Variants in KIF21B observed in about 807,000 individuals in gnomAD.
KIF21B encodes kinesin family member 21B.
A neutral mutation model predicts 192.9 loss-of-function variants in KIF21B; 85 were observed. The ratio of observed to expected loss-of-function variants is 0.44; its 90% confidence interval spans 0.37 to 0.53. The LOEUF is 0.53. Among genes scored for constraint, KIF21B ranks in the 20% least tolerant of loss-of-function variants. KIF21B has a pLI of 0.00. For synonymous variants in KIF21B, 832 were observed against 884.6 expected (o/e 0.94, Z 1.05); for missense variants, 1,716 against 2,194.8 (o/e 0.78, Z 4.36).
chr1:200,981,376 G>A (rs1237774720), intron 28 of KIF21B, among the ~76,000 whole-genome samples: 2 of 152,228 alleles, frequency 1.3e-5, no homozygotes, highest in Non-Finnish European at 2.9e-5. Context: ...GGTGCAGGAG[G>A]TGTGGGCTCT....
chr1:200,992,680 CCCT>C (rs1656784879), intron 15 of KIF21B, among the ~76,000 whole-genome samples: 1 of 152,244 alleles, frequency 6.6e-6, no homozygotes, highest in Non-Finnish European at 1.5e-5. Context: ...ATGCCACAGC[CCCT>C]GGTGGCCCTC....
chr1:201,018,253 G>A (rs1658623704), intron 1 of KIF21B, among the ~76,000 whole-genome samples: 1 of 152,236 alleles, frequency 6.6e-6, no homozygotes, highest in Non-Finnish European at 1.5e-5. Context: ...TCCTGAGAGA[G>A]TGCCAAGGTG....
In KIF21B at chr1:201,004,335, G is replaced by A. The variant is rs1458613999; in HGVS notation, c.1016+5C>T. On this transcript the variant is annotated splice_donor_5th_base_variant and intron_variant, in intron 7 of 34. Transcript: ENST00000461742. ...TCCCTTCCCTGGGTGTTGGTCACCA[G>A]ATACCTGTTGCCCCCCAGCGAATCC... 6.4e-7 allele frequency: 1 copy of A among 1,556,706 alleles called. No individual in the cohort carries two copies. The highest frequency in any genetic ancestry group is 1.4e-5 in the African/African-American group (1 of 73,762).
At chr1:201,007,375 G>GACACACACAGACACACACACAC (rs1244724038) in intron 3 of KIF21B, among the ~76,000 whole-genome samples, 1 of 42,352 alleles carries the variant, frequency 2.4e-5, no homozygotes, top group Non-Finnish European at 4.3e-5. Context: ...CACACACAGA[G>GACACACACAGACACACACACAC]ACAGAGACAC....
chr1:201,005,448 A>G lies in KIF21B; in HGVS notation c.598-6T>C. The stretch of plus-strand genomic sequence containing the variant: ...TGCTTCAGGCACTGGATCAGCTGGA[A>G]ACAGAAGCAGAAGTGAGGGCTTGGG... On this transcript the variant is annotated splice_polypyrimidine_tract_variant and splice_region_variant and intron_variant, in intron 4 of 34. Coordinates refer to ENST00000461742, the MANE Select transcript of KIF21B (RefSeq NM_001252102.2). 6.2e-7 allele frequency: 1 copy of G among 1,604,408 alleles called. No homozygotes were observed. Among genetic ancestry groups the G allele is most frequent in the East Asian group, 2.2e-5 (1 of 44,744 alleles).
intron 3 of KIF21B, among the ~76,000 whole-genome samples, chr1:201,006,895 CACACACACAGAGACAG>C: frequency 1.3e-5 from 2 of 150,722 alleles, no homozygotes; most frequent in Non-Finnish European, 3.0e-5. Flanking sequence ...CACATAGACA[CACACACACAGAGACAG>C]ACACACACAG....
Position 200,998,721 on chromosome 1 carries a change from A to C in KIF21B, c.1886-146T>G. 10 of 645,634 alleles carry C rather than the reference A, an allele frequency of 1.5e-5. No homozygotes were observed. Among genetic ancestry groups the C allele is most frequent in the African/African-American group, 1.8e-5 (1 of 54,192 alleles). The allele number at this position is 645,634 out of a possible 1,614,324, so 40.0% of individuals were successfully genotyped here. ...AGACTGGGCAAAATGATAAATCCTA[A>C]TGCAGGTAGAATGCGGCCAGAAGGA... On this transcript the variant is annotated intron_variant, in intron 13 of 34. Coordinates refer to ENST00000461742, the MANE Select transcript of KIF21B (RefSeq NM_001252102.2). The surrounding 1 kb of genome is among the most constrained non-coding windows in gnomAD (Gnocchi z 4.3).
chr1:200,975,611 G>A lies in KIF21B; in HGVS notation c.4502C>T (p.Pro1501Leu). 6.2e-7 allele frequency: 1 copy of A among 1,613,996 alleles called. No homozygotes were observed. Among genetic ancestry groups the A allele is most frequent in the Non-Finnish European group, 8.5e-7 (1 of 1,179,894 alleles). The change falls in exon 33 of 35, where the codon CCC (proline) becomes CTC (leucine). Residue 1501 changes from proline (P) to leucine (L), a missense_variant. By Grantham distance (98) the Pro-to-Leu change is moderately conservative. This residue lies in a region of KIF21B where 580 missense variants were observed against 775.5 expected (regional missense o/e 0.75). Coordinates refer to ENST00000461742, the MANE Select transcript of KIF21B (RefSeq NM_001252102.2). This position sits in a 1 kb window ranked among gnomAD's most constrained non-coding sequence, Gnocchi z 4.3. ...ACACTCGATGCCATCGTAGTGCGGG[G>A]GCTCGAAGTTGTGAGTGGGGCCGAT... ...GTIGPTHNFE[P>L]PHYDGIECLA...
In KIF21B at chr1:200,999,532, T is replaced by G; in HGVS notation, c.1768-66A>C. On this transcript the variant is annotated intron_variant, in intron 12 of 34. Coordinates refer to ENST00000461742, the MANE Select transcript of KIF21B (RefSeq NM_001252102.2). The surrounding 1 kb of genome is among the most constrained non-coding windows in gnomAD (Gnocchi z 4.7). ...AGGGGAGCCCAGAAGCAGAGGTGCA[T>G]CCCGACACAATGCCTCAGGTGTGTC... is the stretch of plus-strand genomic sequence containing the variant. 10 of 1,580,026 alleles carry G rather than the reference T, an allele frequency of 6.3e-6. No individual in the cohort carries two copies. The highest frequency in any genetic ancestry group is 8.6e-6 in the Non-Finnish European group (10 of 1,163,270).
chr1:201,004,265 A>G (rs1657671629), intron 7 of KIF21B, 75 bp downstream of exon 7: 9 of 1,258,188 alleles, frequency 7.2e-6, no homozygotes, highest in Non-Finnish European at 1.0e-5. Flanking sequence ...GGCTTGCGCC[A>G]TACCCACACA....
At position 200,976,828 on chromosome 1, in the gene KIF21B, G is replaced by T; in HGVS notation, c.4391C>A (p.Thr1464Lys). 6.2e-7 allele frequency: 1 copy of T among 1,613,738 alleles called. No individual in the cohort carries two copies. The change falls in exon 32 of 35, where the codon ACG (threonine) becomes AAG (lysine). Residue 1464 changes from threonine to lysine, a missense_variant. Transcript: ENST00000461742. ...CACCACGAGGTCATGCTGGCTGGCC[G>T]TCTGGGTGACCGTCAGGCACATCAC... Reference protein sequence around the residue: ...GPVMCLTVTQTASQHDLVVTG... With the variant: ...GPVMCLTVTQKASQHDLVVTG...
Position 201,000,275 on chromosome 1 carries a change from G to T in KIF21B, c.1685+115C>A. On this transcript the variant is annotated intron_variant, in intron 11 of 34. Transcript: ENST00000461742. The surrounding 1 kb of genome is among the most constrained non-coding windows in gnomAD (Gnocchi z 6.0). ...CAATACTGAGGCAGCCCCTGGGGCTGGGGGCGTGGAGGTTCCCTCCTAAAC... is the reference window on the plus strand; with the variant it reads ...CAATACTGAGGCAGCCCCTGGGGCTTGGGGCGTGGAGGTTCCCTCCTAAAC... 1 of 1,083,240 alleles carries T rather than the reference G, an allele frequency of 9.2e-7. No individual in the cohort carries two copies. Among genetic ancestry groups the T allele is most frequent in the Non-Finnish European group, 1.3e-6 (1 of 754,006 alleles). The allele number at this position is 1,083,240 out of a possible 1,614,324, so 67.1% of individuals were successfully genotyped here. A position where few individuals can be genotyped will look rare whatever the true frequency, so the allele number is the denominator to read the frequency against.
intron 17 of KIF21B, 83 bp from the exon 18 acceptor site, chr1:200,991,232 C>A: frequency 1.8e-6 from 2 of 1,096,124 alleles, no homozygotes; most frequent in South Asian, 1.4e-5. Flanking sequence ...GGGTGCCGGG[C>A]AGCAGGAACA....
Position 200,979,729 on chromosome 1 carries a change from G to T in KIF21B, c.3980-14C>A. 6.7e-7 allele frequency: 1 copy of T among 1,497,184 alleles called. No homozygotes were observed. The highest frequency in any genetic ancestry group is 9.0e-7 in the Non-Finnish European group (1 of 1,116,746). 92.7% of individuals were successfully genotyped at this position (1,497,184 alleles called of 1,614,324 possible). On this transcript the variant is annotated splice_polypyrimidine_tract_variant and intron_variant, in intron 29 of 34. Transcript: ENST00000461742. ...TGCAGCTTCGGTCTGTGAGAGATGG[G>T]AGGAAGCCACAGGGAGGGGAGGGAT...
intron 27 of KIF21B, 137 bp from the exon 28 acceptor site, chr1:200,983,231 T>A: frequency 2.7e-6 from 2 of 748,196 alleles, no homozygotes; most frequent in Non-Finnish European, 4.6e-6. Context: ...GGCAGAGGAA[T>A]GAGGGCCTCG....
At chr1:201,005,749 G>C (rs1204544175) in intron 3 of KIF21B, 55 bp from the exon 4 acceptor site, 2 of 1,556,596 alleles carry the variant, frequency 1.3e-6, no homozygotes, top group Non-Finnish European at 1.8e-6. Context: ...GCCCCAGGTG[G>C]CTGCCACATG....
At position 201,000,817 on chromosome 1, in the gene KIF21B, AAG is replaced by A; in HGVS notation, c.1403-39_1403-38del. 1 of 1,610,928 alleles carries A rather than the reference AAG, an allele frequency of 6.2e-7. No homozygotes were observed. Among genetic ancestry groups the A allele is most frequent in the Non-Finnish European group, 8.5e-7 (1 of 1,177,200 alleles). ...CGGCGGGAAGAAGGGTGCGATAAAG[AAG>A]ATAAATAGGCCAGCGCGGTGGCTCA... On this transcript the variant is annotated intron_variant, in intron 9 of 34. Coordinates refer to ENST00000461742, the MANE Select transcript of KIF21B (RefSeq NM_001252102.2). This position sits in a 1 kb window ranked among gnomAD's most constrained non-coding sequence, Gnocchi z 6.0.
chr1:201,007,737 CACACAT>C (rs1360246034), intron 3 of KIF21B, among the ~76,000 whole-genome samples: 1 of 151,722 alleles, frequency 6.6e-6, no homozygotes, highest in African/African-American at 2.4e-5. Flanking sequence ...CATACACACA[CACACAT>C]ACACAGATGC....
rs1325849166 is a variant in KIF21B, at chr1:200,974,750, A to G, written c.4778T>C (p.Ile1593Thr). 4.3e-6 allele frequency: 7 copies of G among 1,614,216 alleles called. No homozygotes were observed. The highest frequency in any genetic ancestry group is 5.9e-6 in the Non-Finnish European group (7 of 1,180,020). ...GAAGATATGCTTGGCATTGGTGCAG[A>G]TGGCATTGATGGGACTGTCGTGGCC... The part of the protein sequence containing the change: ...IKGHDSPINA[I>T]CTNAKHIFTA... Residue 1593 changes from isoleucine (I) to threonine (T), a missense_variant, in exon 34 of 35, where the codon ATC becomes ACC. By Grantham distance (89) the Ile-to-Thr change is moderately conservative (BLOSUM62 -1). Coordinates refer to ENST00000461742, the MANE Select transcript of KIF21B (RefSeq NM_001252102.2).
Sources: allele counts gnomAD v4.1 joint callset (sites outside exome capture counted in the v4.1 genomes callset), GRCh38; gene constraint gnomAD v4.1.1; regional missense constraint gnomAD v4.1.1; non-coding constraint Gnocchi (gnomAD v3.1); transcripts MANE v1.5; gene names NCBI Gene and HGNC (gene_info 2026-07-23, HGNC 2026-07-21).